LRRTM3: variants seen among roughly 807,000 people sequenced by gnomAD.
The protein encoded by LRRTM3 is leucine-rich repeat transmembrane neuronal protein 3.
Under a neutral mutation model 44.7 loss-of-function variants are expected in LRRTM3, and 24 were observed. The observed-to-expected ratio is 0.54, with a 90% confidence interval of 0.39 to 0.76. The LOEUF (loss-of-function observed/expected upper bound fraction) is 0.76, where lower values mean the gene tolerates loss of function less well. LRRTM3 is among the 30% of genes least tolerant of loss of function. The pLI is 0.00. For synonymous variants in LRRTM3, 277 were observed against 278.7 expected (o/e 0.99, Z 0.06); for missense variants, 587 against 702.2 (o/e 0.84, Z 1.85).
At chr10:66,928,664 A>T (rs549892582) in intron 2 of LRRTM3, among the ~76,000 whole-genome samples, 1 of 152,254 alleles carries the variant, frequency 6.6e-6, no homozygotes, top group Non-Finnish European at 1.5e-5. Flanking sequence ...AAATTTAAAT[A>T]CCACAATCAA....
intron 2 of LRRTM3, among the ~76,000 whole-genome samples, chr10:66,983,577 G>C (rs1850567126): frequency 6.6e-6 from 1 of 152,092 alleles, no homozygotes. Flanking sequence ...TTTTTATTGA[G>C]CTATTTATTT....
At chr10:66,987,801 G>A (rs1850817536) in intron 2 of LRRTM3, among the ~76,000 whole-genome samples, 1 of 152,106 alleles carries the variant, frequency 6.6e-6, no homozygotes, top group Non-Finnish European at 1.5e-5. Context: ...GATAAATTTT[G>A]CAAAGATGGA....
At chr10:67,052,846 A>G (rs1244247427) in intron 2 of LRRTM3, 4 of 152,244 alleles carry the variant, frequency 2.6e-5, no homozygotes. Context: ...AAAACAAAAA[A>G]TAAATGTTTA....
At chr10:67,032,880 T>C (rs184429296) in intron 2 of LRRTM3, among the ~76,000 whole-genome samples, 1 of 152,286 alleles carries the variant, frequency 6.6e-6, no homozygotes, top group African/African-American at 2.4e-5. Flanking sequence ...TTAAAACAAC[T>C]AAGGTTTTGG....
At chr10:66,941,477 C>T (rs1046818769) in intron 2 of LRRTM3, among the ~76,000 whole-genome samples, 1 of 151,940 alleles carries the variant, frequency 6.6e-6, no homozygotes, top group Non-Finnish European at 1.5e-5. Context: ...GGTTAGAGTC[C>T]ACTTTGAACG....
Position 66,992,590 on chromosome 10 carries a change from CTT to C in LRRTM3, c.1536+64141_1536+64142del, listed in dbSNP as rs1157324015. 4.0e-5 allele frequency among the ~76,000 whole-genome samples: 6 copies of C among 151,812 alleles called. No individual in the cohort carries two copies. In the East Asian group the frequency reaches 9.7e-4, roughly 24 times the overall value. On this transcript the variant is annotated intron_variant, in intron 2 of 2. Coordinates refer to ENST00000361320, the MANE Select transcript of LRRTM3 (RefSeq NM_178011.5). The stretch of plus-strand genomic sequence containing the variant: ...AATTCTAATGAATAAATGTATCAGT[CTT>C]TTCATTTAACACTTAATGCCTTGGA...
At chr10:66,958,922 T>C (rs1848975730) in intron 2 of LRRTM3, among the ~76,000 whole-genome samples, 1 of 152,134 alleles carries the variant, frequency 6.6e-6, no homozygotes, top group Admixed American at 6.6e-5. Flanking sequence ...AGGTCAGATA[T>C]CATTTAACTT....
At chr10:66,942,576 CTGTG>C (rs1189059770) in intron 2 of LRRTM3, among the ~76,000 whole-genome samples, 1 of 140,258 alleles carries the variant, frequency 7.1e-6, no homozygotes, top group Non-Finnish European at 1.5e-5. Context: ...CTCTCTCTCT[CTGTG>C]TGTGTGTATG....
chr10:67,091,950 C>CTATT (rs1857668992), intron 2 of LRRTM3, among the ~76,000 whole-genome samples: 1 of 151,898 alleles, frequency 6.6e-6, no homozygotes, highest in Non-Finnish European at 1.5e-5. Context: ...ACTGAAATGC[C>CTATT]TATTTCTTAT....
intron 2 of LRRTM3, among the ~76,000 whole-genome samples, chr10:66,978,537 A>AT (rs1850201597): frequency 1.0e-5 from 1 of 97,514 alleles, no homozygotes; most frequent in Admixed American, 1.1e-4. Context: ...AAAAAAAAAA[A>AT]AAAAAAAAAA....
At chr10:66,941,998 G>C (rs1400848305) in intron 2 of LRRTM3, among the ~76,000 whole-genome samples, 2 of 152,168 alleles carry the variant, frequency 1.3e-5, no homozygotes, top group Admixed American at 1.3e-4. Context: ...CACTAGACCT[G>C]AAGTTAAATA....
chr10:66,982,871 T>C (rs868259597), intron 2 of LRRTM3, among the ~76,000 whole-genome samples: 3 of 152,158 alleles, frequency 2.0e-5, no homozygotes, highest in Middle Eastern at 6.8e-3. Context: ...TCAGCTGACC[T>C]GGTAGGAAGA....
At chr10:66,949,497 G>A (rs926512666) in intron 2 of LRRTM3, among the ~76,000 whole-genome samples, 1 of 151,836 alleles carries the variant, frequency 6.6e-6, no homozygotes, top group South Asian at 2.1e-4. Context: ...GGCGGAGGTT[G>A]CAGTGAGCCA....
At chr10:67,021,126 C>T (rs10762127) in intron 2 of LRRTM3, among the ~76,000 whole-genome samples, 135,963 of 152,142 alleles carry the variant, frequency 0.89, 61,236 homozygotes, top group Middle Eastern at 0.97. Flanking sequence ...TAAAATGTGA[C>T]GGAAGAGGAA....
chr10:66,992,155 C>T (rs10740264), intron 2 of LRRTM3, among the ~76,000 whole-genome samples: 76,905 of 152,030 alleles, frequency 0.51, 20,313 homozygotes, highest in East Asian at 0.78. Context: ...AATGAAAGTT[C>T]CAGTTTCTCT....
intron 2 of LRRTM3, among the ~76,000 whole-genome samples, chr10:67,095,023 G>A (rs865816779): frequency 5.4e-4 from 80 of 148,146 alleles, no homozygotes; most frequent in Middle Eastern, 7.0e-3. Context: ...ACATATATGT[G>A]TATATACATA....
At chr10:66,976,549 C>T (rs1429642308) in intron 2 of LRRTM3, among the ~76,000 whole-genome samples, 1 of 152,146 alleles carries the variant, frequency 6.6e-6, no homozygotes, top group Admixed American at 6.6e-5. Flanking sequence ...ACTGTAATGA[C>T]ATCATCTCTT....
At chr10:67,029,482 G>A (rs981034911) in intron 2 of LRRTM3, among the ~76,000 whole-genome samples, 20 of 152,078 alleles carry the variant, frequency 1.3e-4, no homozygotes, top group Admixed American at 3.3e-4. Context: ...CATGATAACC[G>A]GTGGGTACTC....
chr10:67,044,986 C>T, intron 2 of LRRTM3, among the ~76,000 whole-genome samples: 1 of 152,140 alleles, frequency 6.6e-6, no homozygotes, highest in East Asian at 1.9e-4. Context: ...CTAATGCTGA[C>T]CACATCTAGG....
Sources: gnomAD v4.1 joint callset for allele counts (sites outside exome capture counted in the v4.1 genomes callset) on GRCh38, gnomAD v4.1.1 for gene constraint, MANE v1.5 for transcripts, NCBI Gene and HGNC (gene_info 2026-07-23, HGNC 2026-07-21) for gene names.